SLC7A6: variants seen among roughly 807,000 people sequenced by gnomAD.
SLC7A6 encodes the protein solute carrier family 7 member 6.
A neutral mutation model predicts 46.6 loss-of-function variants in SLC7A6; 29 were observed. The observed-to-expected ratio is 0.62, with a 90% CI of 0.46 to 0.85. SLC7A6 has a LOEUF of 0.85. SLC7A6 is among the 40% of genes least tolerant of loss of function. The probability of loss-of-function intolerance (pLI) is 0.00; values close to 1 mark genes in which losing one functional copy is unlikely to be tolerated. For synonymous variants in SLC7A6, 276 were observed against 257.3 expected, an observed-to-expected ratio of 1.07 and a Z score of -0.70; for missense variants, 527 against 647.6, an observed-to-expected ratio of 0.81 and a Z score of 2.02.
Position 68,275,265 on chromosome 16 carries a change from G to C in SLC7A6, c.523+16G>C, listed in dbSNP as rs757642519. 1.2e-6 allele frequency: 2 copies of C among 1,604,630 alleles called. No individual in the cohort carries two copies. The highest frequency in any genetic ancestry group is 2.2e-5 in the South Asian group (2 of 90,784). The stretch of plus-strand genomic sequence containing the variant: ...GCTTGCATATGTAAGTGGGGGCTGA[G>C]ATTGGGAGGATGTTGGGGGGTGGGG... On this transcript the variant is annotated intron_variant, in intron 3 of 10. Coordinates refer to ENST00000219343, the MANE Select transcript of SLC7A6 (RefSeq NM_003983.6).
chr16:68,287,241 G>A (rs2042954724), intron 3 of SLC7A6: 2 of 1,067,222 alleles, frequency 1.9e-6, no homozygotes, highest in Non-Finnish European at 2.5e-6. Flanking sequence ...GTTTCCCAAA[G>A]TGCTGGGATT....
chr16:68,288,688 C>T (rs867541861), intron 4 of SLC7A6, among the ~76,000 whole-genome samples: 5 of 151,894 alleles, frequency 3.3e-5, no homozygotes, highest in Middle Eastern at 6.8e-3. Flanking sequence ...GCCCTTGGCC[C>T]GGCACGGTGG....
intron 2 of SLC7A6, among the ~76,000 whole-genome samples, chr16:68,273,383 G>A (rs559539044): frequency 1.3e-5 from 2 of 152,234 alleles, no homozygotes; most frequent in East Asian, 1.9e-4. Context: ...TAACTGTTAC[G>A]TGGGTGGGAA....
rs781316715 is a variant in SLC7A6 at position 68,301,411 on chromosome 16, A to C, written c.*4083A>C. 7.1e-5 allele frequency: 114 copies of C among 1,612,784 alleles called. No individual in the cohort carries two copies. The highest frequency in any genetic ancestry group is 9.1e-5 in the Non-Finnish European group (107 of 1,179,222). On this transcript the variant is annotated 3_prime_UTR_variant, in exon 11 of 11. Transcript: ENST00000219343. ...GCTGTTGTAGTCAGCAGAGCCTAGA[A>C]TGACATCCCGGGAGTGGATTCTAAA...
At chr16:68,292,553 G>T (rs1029744432) in intron 7 of SLC7A6, 7 of 152,020 alleles carry the variant, frequency 4.6e-5, no homozygotes, top group African/African-American at 1.7e-4. Context: ...TTAGAGATTG[G>T]GGTCTCACTA....
intron 7 of SLC7A6, chr16:68,292,483 C>T (rs1346264085): frequency 6.6e-6 from 1 of 152,286 alleles, no homozygotes; most frequent in Non-Finnish European, 1.5e-5. Flanking sequence ...AATAGCGTTT[C>T]GCATCTCTCC....
chr16:68,289,280 C>T (rs964655208), intron 4 of SLC7A6, among the ~76,000 whole-genome samples: 1 of 151,938 alleles, frequency 6.6e-6, no homozygotes. Context: ...GCAACAAGAA[C>T]GAAACTCTGT....
At position 68,294,779 on chromosome 16, in the gene SLC7A6, C is replaced by A; in HGVS notation, c.1097C>A (p.Pro366His). 2 of 1,613,784 alleles carry A rather than the reference C, an allele frequency of 1.2e-6. No individual in the cohort carries two copies. Among genetic ancestry groups the A allele is most frequent in the Non-Finnish European group, 1.7e-6 (2 of 1,179,706 alleles). The change falls in exon 8 of 11, where the codon CCT becomes CAT. Residue 366 changes from proline (P) to histidine (H), a missense_variant. Pro to His is a moderately conservative substitution (Grantham distance 77). Transcript: ENST00000219343. The part of the protein sequence containing the change: ...LSMIHIERFT[P>H]IPALLFNCTM... ...ATGATCCACATTGAGCGTTTTACAC[C>A]TATCCCTGCTTTACTGTTCAATGTA... is the stretch of plus-strand genomic sequence containing the variant.
rs897531011 is a variant in SLC7A6 at position 68,297,627 on chromosome 16, G to A, written c.*299G>A. 7.4e-6 allele frequency: 2 copies of A among 270,258 alleles called. No homozygotes were observed. The highest frequency in any genetic ancestry group is 1.4e-5 in the Non-Finnish European group (2 of 142,600). 16.7% of individuals were successfully genotyped at this position (270,258 alleles called of 1,614,324 possible). On this transcript the variant is annotated 3_prime_UTR_variant, in exon 11 of 11. Transcript: ENST00000219343. ...ACAGATATTTACTTGGTAAAGTGCA[G>A]TGGGGAAGAGGGAATGCTAGGTTGA... is the stretch of plus-strand genomic sequence containing the variant.
At chr16:68,292,269 A>T (rs569232883) in intron 7 of SLC7A6, 2 of 152,344 alleles carry the variant, frequency 1.3e-5, no homozygotes, top group Non-Finnish European at 2.9e-5. Context: ...GCAGACATCT[A>T]TAAGCGTGCT....
At chr16:68,267,543 T>C (rs2042556594) in intron 2 of SLC7A6, among the ~76,000 whole-genome samples, 1 of 152,160 alleles carries the variant, frequency 6.6e-6, no homozygotes, top group Admixed American at 6.5e-5. Flanking sequence ...TAAGAAAAAG[T>C]CCTCTGTGTT....
Position 68,291,613 on chromosome 16 carries a change from C to T in SLC7A6, c.974C>T (p.Ala325Val). 1.9e-6 allele frequency: 3 copies of T among 1,614,168 alleles called. No homozygotes were observed. The highest frequency in any genetic ancestry group is 2.5e-6 in the Non-Finnish European group (3 of 1,180,036). ...MFSWTIPIAV[A>V]LSCFGGLNAS... is the part of the protein sequence containing the mutation. ...AGCTGGACCATCCCCATTGCTGTTGCCCTGTCCTGCTTTGGGGGCCTCAAT... is the reference window on the plus strand; with the variant it reads ...AGCTGGACCATCCCCATTGCTGTTGTCCTGTCCTGCTTTGGGGGCCTCAAT... Residue 325 changes from alanine (A) to valine (V), a missense_variant, in exon 7 of 11, where the codon GCC becomes GTC. By Grantham distance (64) the Ala-to-Val change is moderately conservative (BLOSUM62 0). Coordinates refer to ENST00000219343, the MANE Select transcript of SLC7A6 (RefSeq NM_003983.6).
rs1309048416 is a variant in SLC7A6 at position 68,300,451 on chromosome 16, G to C, written c.*3123G>C. ...AGTTTGTTTTTGTGGTGGGTGCTGT[G>C]AAGAGTAAACATTACTCAGTGGAAA... is the stretch of plus-strand genomic sequence containing the variant. On this transcript the variant is annotated 3_prime_UTR_variant, in exon 11 of 11. Transcript: ENST00000219343. 5.0e-6 allele frequency: 1 copy of C among 200,650 alleles called. No homozygotes were observed. Among genetic ancestry groups the C allele is most frequent in the East Asian group, 1.9e-4 (1 of 5,404 alleles). The allele number at this position is 200,650 out of a possible 1,614,324, so 12.4% of individuals were successfully genotyped here.
rs1005985089 is a variant in SLC7A6 at position 68,297,557 on chromosome 16, G to A, written c.*229G>A. The A allele has an allele frequency of 9.1e-5, 37 of 406,532 alleles. 1 individual carries two copies. Among genetic ancestry groups the A allele is most frequent in the African/African-American group, 6.1e-4 (29 of 47,738 alleles). The allele number at this position is 406,532 out of a possible 1,614,324, so 25.2% of individuals were successfully genotyped here. A position where few individuals can be genotyped will look rare whatever the true frequency, so the allele number is the denominator to read the frequency against. On this transcript the variant is annotated 3_prime_UTR_variant, in exon 11 of 11. Transcript: ENST00000219343. ...GTGGGGGGAAGATTGGGGAACGGGG[G>A]GAATGGTCATTTAGTTTTACTCCTG...
At chr16:68,270,822 G>A (rs1331188920) in intron 2 of SLC7A6, among the ~76,000 whole-genome samples, 1 of 151,582 alleles carries the variant, frequency 6.6e-6, no homozygotes, top group Non-Finnish European at 1.5e-5. Flanking sequence ...TCCATCCTGA[G>A]TGGAAGCTGG....
rs897073879 is a variant in SLC7A6 at position 68,278,771 on chromosome 16, T to C, written c.523+3522T>C. ...ATCTTTTCCCCACATTTCCCCCTTT[T>C]CTATTCGACAAAACCGCCATCGTCA... On this transcript the variant is annotated intron_variant, in intron 3 of 10. Coordinates refer to ENST00000219343, the MANE Select transcript of SLC7A6 (RefSeq NM_003983.6). 2.6e-5 allele frequency among the ~76,000 whole-genome samples: 4 copies of C among 152,222 alleles called. No individual in the cohort carries two copies. In the East Asian group the frequency reaches 7.7e-4, roughly 29 times the overall value.
intron 2 of SLC7A6, among the ~76,000 whole-genome samples, chr16:68,270,587 A>G (rs770209571): frequency 3.9e-5 from 6 of 152,160 alleles, no homozygotes; most frequent in Non-Finnish European, 7.3e-5. Context: ...CCCACACTTG[A>G]CATTTGGTAA....
At chr16:68,294,566 A>C in intron 7 of SLC7A6, 139 bp from the exon 8 acceptor site, 1 of 674,964 alleles carries the variant, frequency 1.5e-6, no homozygotes, top group Non-Finnish European at 2.7e-6. Context: ...CTGGTGATGC[A>C]CTAAGGACCT....
rs779931337 is a variant in SLC7A6 at position 68,287,741 on chromosome 16, C to T, written c.524-5C>T. 8 of 1,612,294 alleles carry T rather than the reference C, an allele frequency of 5.0e-6. No individual in the cohort carries two copies. The Admixed American group carries it at 1.0e-4, about 20-fold the overall frequency. On this transcript the variant is annotated splice_region_variant and splice_polypyrimidine_tract_variant and intron_variant, in intron 3 of 10. Transcript: ENST00000219343. ...CTGCCAGTGACTTTGTGGTTTTCCT[C>T]CTAGGTCTGCTGACATTTGTGAACT...
Sources: gnomAD v4.1 joint callset for allele counts (sites outside exome capture counted in the v4.1 genomes callset) on GRCh38, gnomAD v4.1.1 for gene constraint, MANE v1.5 for transcripts, NCBI Gene and HGNC (gene_info 2026-07-23, HGNC 2026-07-21) for gene names.